The following JAZF1 variants were observed in gnomAD, a reference collection of about 807,000 sequenced individuals.
JAZF1 encodes the protein juxtaposed with another zinc finger protein 1.
A neutral mutation model predicts 26.4 loss-of-function variants in JAZF1; 8 were observed. The ratio of observed to expected loss-of-function variants is 0.30; its 90% CI spans 0.18 to 0.55. The LOEUF (loss-of-function observed/expected upper bound fraction) is 0.55, where lower values mean the gene tolerates loss of function less well. Among genes scored for constraint, JAZF1 ranks in the 20% least tolerant of loss-of-function variants. JAZF1 has a pLI of 0.94. For missense variants in JAZF1, 199 were observed against 322.0 expected (o/e 0.62, Z 2.92); for synonymous variants, 126 against 122.3 (o/e 1.03, Z -0.20).
At position 28,128,012 on chromosome 7, in the gene JAZF1, A is replaced by C. The variant is rs527379762; in HGVS notation, c.115+52451T>G. 2.6e-5 allele frequency among the ~76,000 whole-genome samples: 4 copies of C among 152,272 alleles called. 1 individual carries two copies. Among genetic ancestry groups the C allele is most frequent in the African/African-American group, 9.6e-5 (4 of 41,572 alleles). On this transcript the variant is annotated intron_variant, in intron 1 of 4. Transcript: ENST00000283928. ...ATGAGATTTGGGTGGGGACGCAGCC[A>C]AACCATTTCGGTGGCCTACCACTCA...
At chr7:28,110,503 GA>G (rs769267796) in intron 1 of JAZF1, among the ~76,000 whole-genome samples, 2,288 of 79,730 alleles carry the variant, frequency 0.029, 79 homozygotes, top group East Asian at 0.11. Context: ...GAAAGGAAAG[GA>G]AAAGGAAAGG....
chr7:28,154,063 G>A (rs1583588643), intron 1 of JAZF1, among the ~76,000 whole-genome samples: 1 of 152,240 alleles, frequency 6.6e-6, no homozygotes, highest in Non-Finnish European at 1.5e-5. Flanking sequence ...GGATGAAGAG[G>A]TACACATGAA....
chr7:28,034,849 T>C lies in JAZF1; in HGVS notation c.116-42868A>G, dbSNP rs893546173. Among the ~76,000 whole-genome samples, 13 of 152,148 alleles carry C rather than the reference T, an allele frequency of 8.5e-5. No homozygotes were observed. The East Asian group carries it at 1.2e-3, about 14-fold the overall frequency. ...CTTCCCTGTTCACTCAGAAAGGAAT[T>C]TGCTATTGAGTAAAAGGTAAACATG... On this transcript the variant is annotated intron_variant, in intron 1 of 4. Coordinates refer to ENST00000283928, the MANE Select transcript of JAZF1 (RefSeq NM_175061.4).
chr7:27,992,992 TG>T (rs1785934121), intron 1 of JAZF1, among the ~76,000 whole-genome samples: 1 of 152,046 alleles, frequency 6.6e-6, no homozygotes, highest in African/African-American at 2.4e-5. Flanking sequence ...TAACAGGTGA[TG>T]GGGGGAGGGA....
At chr7:27,847,969 T>C (rs1583428331) in intron 3 of JAZF1, among the ~76,000 whole-genome samples, 1 of 152,268 alleles carries the variant, frequency 6.6e-6, no homozygotes, top group Non-Finnish European at 1.5e-5. Context: ...GCCCAGCCTA[T>C]AATATAATTT....
intron 3 of JAZF1, among the ~76,000 whole-genome samples, chr7:27,870,664 A>G (rs1783564259): frequency 6.6e-6 from 1 of 152,102 alleles, no homozygotes; most frequent in Non-Finnish European, 1.5e-5. Context: ...GCAAAGGTCC[A>G]AGCAAGGGTG....
At chr7:28,035,863 A>C (rs1783283262) in intron 1 of JAZF1, among the ~76,000 whole-genome samples, 1 of 152,236 alleles carries the variant, frequency 6.6e-6, no homozygotes, top group African/African-American at 2.4e-5. Flanking sequence ...CTGAGAACAG[A>C]CCATAGACAT....
intron 3 of JAZF1, among the ~76,000 whole-genome samples, chr7:27,880,054 G>T (rs1783743369): frequency 6.6e-6 from 1 of 152,178 alleles, no homozygotes; most frequent in Admixed American, 6.5e-5. Context: ...CCACGAAGAT[G>T]GAGCTACTTT....
chr7:28,152,426 C>A (rs946328280), intron 1 of JAZF1, among the ~76,000 whole-genome samples: 1 of 152,138 alleles, frequency 6.6e-6, no homozygotes, highest in Non-Finnish European at 1.5e-5. Flanking sequence ...GCCCTCTGAC[C>A]CACTCCATCT....
At chr7:27,893,166 C>A (rs758301572) in intron 3 of JAZF1, among the ~76,000 whole-genome samples, 3 of 152,166 alleles carry the variant, frequency 2.0e-5, no homozygotes, top group Non-Finnish European at 2.9e-5. Context: ...CATATTAAAG[C>A]CCCGAATTAA....
intron 3 of JAZF1, among the ~76,000 whole-genome samples, chr7:27,866,963 A>C (rs1347788746): frequency 6.6e-6 from 1 of 152,188 alleles, no homozygotes; most frequent in African/African-American, 2.4e-5. Flanking sequence ...CCCAGACACT[A>C]AGGGAGTGCC....
chr7:28,135,245 C>T (rs186404040), intron 1 of JAZF1, among the ~76,000 whole-genome samples: 9 of 151,842 alleles, frequency 5.9e-5, no homozygotes, highest in East Asian at 1.9e-4. Flanking sequence ...GTCTGTGTTC[C>T]GCAAAACTAA....
chr7:28,154,098 G>C (rs369598022), intron 1 of JAZF1, among the ~76,000 whole-genome samples: 1 of 152,126 alleles, frequency 6.6e-6, no homozygotes, highest in Non-Finnish European at 1.5e-5. Flanking sequence ...AAGCCTCCCC[G>C]AAGTTTTGGG....
intron 1 of JAZF1, among the ~76,000 whole-genome samples, chr7:28,095,914 C>T (rs957671461): frequency 2.0e-5 from 3 of 152,226 alleles, no homozygotes; most frequent in African/African-American, 2.4e-5. Context: ...TGTCCTCACA[C>T]GGCTGAGACG....
At chr7:27,910,464 G>C (rs1784343324) in intron 2 of JAZF1, among the ~76,000 whole-genome samples, 1 of 152,180 alleles carries the variant, frequency 6.6e-6, no homozygotes, top group African/African-American at 2.4e-5. Flanking sequence ...TGATTTACAA[G>C]GAGCAGCCTT....
chr7:27,836,115 T>G lies in JAZF1; in HGVS notation c.556-3139A>C, dbSNP rs79575891. The stretch of plus-strand genomic sequence containing the variant: ...CCAATCCATAGTCCATATTTCCTCA[T>G]TTAGTCTCCTAATGTGCTAGGTACT... On this transcript the variant is annotated intron_variant, in intron 4 of 4. Transcript: ENST00000283928. Among the ~76,000 whole-genome samples, 839 of 152,310 alleles carry G rather than the reference T, an allele frequency of 5.5e-3. 5 individuals carry two copies. Among genetic ancestry groups the G allele is most frequent in the African/African-American group, 0.016 (660 of 41,576 alleles).
At chr7:28,049,089 C>CTCTCTT (rs553919892) in intron 1 of JAZF1, among the ~76,000 whole-genome samples, 2,779 of 125,876 alleles carry the variant, frequency 0.022, 38 homozygotes, top group East Asian at 0.047. Flanking sequence ...CTCTCTCTCT[C>CTCTCTT]TCTTTCTTTC....
intron 1 of JAZF1, among the ~76,000 whole-genome samples, chr7:28,085,249 A>G (rs995081195): frequency 6.6e-6 from 1 of 152,222 alleles, no homozygotes; most frequent in Non-Finnish European, 1.5e-5. Context: ...GCTAACAGGC[A>G]TAAAATCCCA....
intron 2 of JAZF1, among the ~76,000 whole-genome samples, chr7:27,976,380 C>A (rs1057286928): frequency 1.5e-4 from 20 of 130,160 alleles, no homozygotes; most frequent in Non-Finnish European, 2.5e-4. Flanking sequence ...AATATATGGT[C>A]TTTCTGGAAC....
Sources: gnomAD v4.1 joint callset for allele counts (sites outside exome capture counted in the v4.1 genomes callset) on GRCh38, gnomAD v4.1.1 for gene constraint, MANE v1.5 for transcripts, NCBI Gene and HGNC (gene_info 2026-07-23, HGNC 2026-07-21) for gene names.